Variants in MTUS2 observed in about 807,000 individuals in gnomAD.
The protein encoded by MTUS2 is microtubule-associated tumor suppressor candidate 2.
In MTUS2, 40 loss-of-function variants were observed where a neutral mutation model predicts 114.1. That is an observed-to-expected ratio of 0.35 (90% CI 0.27 to 0.46). The LOEUF (loss-of-function observed/expected upper bound fraction) is 0.46, where lower values mean the gene tolerates loss of function less well. Among genes scored for constraint, MTUS2 ranks in the 20% least tolerant of loss-of-function variants. The probability of loss-of-function intolerance (pLI) is 1.00; values close to 1 mark genes in which losing one functional copy is unlikely to be tolerated. For missense variants in MTUS2, 1,679 were observed against 1,705.4 expected (o/e 0.98, Z 0.27); for synonymous variants, 688 against 672.0 (o/e 1.02, Z -0.37).
At chr13:29,052,516 C>T (rs930124973) in intron 4 of MTUS2, among the ~76,000 whole-genome samples, 1 of 150,906 alleles carries the variant, frequency 6.6e-6, no homozygotes, top group African/African-American at 2.4e-5. Context: ...CAGCTAGCAG[C>T]TAGAGGATAT....
intron 5 of MTUS2, among the ~76,000 whole-genome samples, chr13:29,182,876 T>G (rs988853846): frequency 6.6e-6 from 1 of 152,090 alleles, no homozygotes; most frequent in Non-Finnish European, 1.5e-5. Context: ...AGGAACAGGC[T>G]TAGTGAGTTC....
At chr13:28,966,999 C>A (rs143463436) in intron 2 of MTUS2, among the ~76,000 whole-genome samples, 7 of 152,244 alleles carry the variant, frequency 4.6e-5, no homozygotes, top group Admixed American at 3.3e-4. Context: ...ACCACTGTTA[C>A]CACGATCTGG....
At chr13:29,176,900 G>A (rs1386426469) in intron 5 of MTUS2, among the ~76,000 whole-genome samples, 1 of 151,172 alleles carries the variant, frequency 6.6e-6, no homozygotes, top group African/African-American at 2.5e-5. Flanking sequence ...TCACCCCTGA[G>A]CTTCTGCTAT....
chr13:29,308,779 C>G (rs1899604833), intron 6 of MTUS2, among the ~76,000 whole-genome samples: 1 of 152,036 alleles, frequency 6.6e-6, no homozygotes, highest in Non-Finnish European at 1.5e-5. Context: ...ATGTAGCCAA[C>G]AAACATATGA....
intron 2 of MTUS2, among the ~76,000 whole-genome samples, chr13:28,980,781 GTTTGTT>G (rs1362444096): frequency 6.6e-6 from 1 of 152,192 alleles, no homozygotes; most frequent in Non-Finnish European, 1.5e-5. Flanking sequence ...GTTGTTGTTT[GTTTGTT>G]TTTTAGAACA....
rs1386179513 is a variant in MTUS2 at position 29,380,760 on chromosome 13, C to T, written c.3117+21287C>T. Among the ~76,000 whole-genome samples the T allele has an allele frequency of 2.3e-3, 138 of 60,144 alleles. 35 individuals are homozygous for T. The highest frequency in any genetic ancestry group is 4.8e-3 in the African/African-American group (134 of 27,724). 39.5% of individuals were successfully genotyped at this position (60,144 alleles called of 152,430 possible). Reference sequence around the variant, plus strand: ...TGAAACCCCGTCTCTACTAAAAATACAAAAAATTAGCCGGGCGCGGTGGCG... The same window carrying T: ...TGAAACCCCGTCTCTACTAAAAATATAAAAAATTAGCCGGGCGCGGTGGCG... On this transcript the variant is annotated intron_variant, in intron 8 of 15. Coordinates refer to ENST00000612955, the MANE Select transcript of MTUS2 (RefSeq NM_001033602.4).
chr13:29,249,086 C>T (rs1897032586), intron 5 of MTUS2, among the ~76,000 whole-genome samples: 1 of 152,186 alleles, frequency 6.6e-6, no homozygotes, highest in African/African-American at 2.4e-5. Context: ...CTCCCAGCTT[C>T]CAGCAATTCT....
intron 8 of MTUS2, among the ~76,000 whole-genome samples, chr13:29,417,789 C>CAAA (rs1160784934): frequency 6.6e-6 from 1 of 152,084 alleles, no homozygotes; most frequent in Non-Finnish European, 1.5e-5. Context: ...TGCTTCATGG[C>CAAA]TATTTTCTTG....
At chr13:29,263,004 T>A (rs549344594) in intron 5 of MTUS2, among the ~76,000 whole-genome samples, 10 of 152,190 alleles carry the variant, frequency 6.6e-5, no homozygotes, top group Non-Finnish European at 1.2e-4. Flanking sequence ...AATTCTCAGA[T>A]AAGTCTAATG....
chr13:28,988,495 A>G (rs1196961441), intron 2 of MTUS2, among the ~76,000 whole-genome samples: 1 of 152,184 alleles, frequency 6.6e-6, no homozygotes, highest in East Asian at 1.9e-4. Context: ...CTACTGTTCT[A>G]CTAGAGAAGT....
chr13:29,390,135 T>G (rs1240411508), intron 8 of MTUS2, among the ~76,000 whole-genome samples: 1 of 139,986 alleles, frequency 7.1e-6, no homozygotes, highest in Non-Finnish European at 1.5e-5. Flanking sequence ...ACATATATAC[T>G]GACTATATAT....
chr13:29,383,249 TG>T (rs769790231), intron 8 of MTUS2, among the ~76,000 whole-genome samples: 4,675 of 125,402 alleles, frequency 0.037, 98 homozygotes, highest in African/African-American at 0.056. Context: ...TGTGTGTGTG[TG>T]TGTATTTATT....
chr13:29,303,900 A>C (rs530088745), intron 6 of MTUS2, among the ~76,000 whole-genome samples: 1 of 152,336 alleles, frequency 6.6e-6, no homozygotes, highest in South Asian at 2.1e-4. Flanking sequence ...AGGCCAGGTC[A>C]CCTACAAAGG....
intron 5 of MTUS2, among the ~76,000 whole-genome samples, chr13:29,256,047 C>T (rs1897274748): frequency 1.3e-5 from 2 of 152,188 alleles, no homozygotes; most frequent in Admixed American, 6.5e-5. Flanking sequence ...TGACAGGCAT[C>T]CGTACTCTGG....
chr13:29,036,141 C>CAA (rs397851632), intron 4 of MTUS2, among the ~76,000 whole-genome samples: 705 of 31,566 alleles, frequency 0.022, 19 homozygotes, highest in African/African-American at 0.07. Flanking sequence ...GAGACTGTCT[C>CAA]AAAAAAAAAA....
At chr13:29,332,441 CTTTCT>C (rs1363319110) in intron 7 of MTUS2, among the ~76,000 whole-genome samples, 3 of 151,940 alleles carry the variant, frequency 2.0e-5, no homozygotes, top group African/African-American at 7.3e-5. Flanking sequence ...CTATTTGATT[CTTTCT>C]TTTCTTCTTT....
At chr13:28,904,849 T>A (rs1011704672) in intron 2 of MTUS2, among the ~76,000 whole-genome samples, 9 of 151,968 alleles carry the variant, frequency 5.9e-5, no homozygotes, top group Non-Finnish European at 1.2e-4. Flanking sequence ...TTGGGCAGTA[T>A]GGCCATTTTC....
intron 4 of MTUS2, among the ~76,000 whole-genome samples, chr13:29,061,976 T>C (rs226909): frequency 0.95 from 145,227 of 152,182 alleles, 69,411 homozygotes; most frequent in Non-Finnish European, 0.98. Flanking sequence ...TTTACTTTGT[T>C]ACTGTTTGAA....
At chr13:29,186,775 T>C (rs1266950740) in intron 5 of MTUS2, among the ~76,000 whole-genome samples, 2 of 152,154 alleles carry the variant, frequency 1.3e-5, no homozygotes, top group Non-Finnish European at 2.9e-5. Context: ...CTAGACTTAA[T>C]AGACATATAT....
Sources: allele counts gnomAD v4.1 joint callset (sites outside exome capture counted in the v4.1 genomes callset), GRCh38; gene constraint gnomAD v4.1.1; transcripts MANE v1.5; gene names NCBI Gene and HGNC (gene_info 2026-07-23, HGNC 2026-07-21).